CDC42EP3: variants seen among roughly 807,000 people sequenced by gnomAD.
CDC42EP3 encodes the protein CDC42 effector protein (Rho GTPase binding) 3.
CDC42EP3 carries 4 observed loss-of-function variants against 15.5 expected under a neutral mutation model. The ratio of observed to expected loss-of-function variants is 0.26; its 90% CI spans 0.13 to 0.59. The LOEUF is 0.59. Ranked by LOEUF, CDC42EP3 falls within the 20% of genes least tolerant of loss-of-function variation. CDC42EP3 has a pLI of 0.89. For synonymous variants in CDC42EP3, 145 were observed against 130.3 expected, an observed-to-expected ratio of 1.11 and a Z score of -0.77; for missense variants, 309 against 311.2, an observed-to-expected ratio of 0.99 and a Z score of 0.05.
At chr2:37,658,079 G>A (rs1665937109) in intron 1 of CDC42EP3, among the ~76,000 whole-genome samples, 1 of 152,118 alleles carries the variant, frequency 6.6e-6, no homozygotes, top group Non-Finnish European at 1.5e-5. Context: ...CATTTTCATA[G>A]GGTTGGATGG....
intron 1 of CDC42EP3, among the ~76,000 whole-genome samples, chr2:37,660,446 G>A (rs11124595): frequency 6.6e-6 from 1 of 151,986 alleles, no homozygotes. Flanking sequence ...GAAACGTCCC[G>A]GAGTTGGGAA....
chr2:37,645,163 A>G lies in CDC42EP3; in HGVS notation c.*660T>C, dbSNP rs1665409565. ...AATGTAGACTCTGCAATAAAAAGCC[A>G]AAGGCACGTAAAAATATATTTTAAC... On this transcript the variant is annotated 3_prime_UTR_variant, in exon 2 of 2. Transcript: ENST00000295324. 6.6e-6 allele frequency: 1 copy of G among 152,640 alleles called. No homozygotes were observed. The highest frequency in any genetic ancestry group is 6.5e-5 in the Admixed American group (1 of 15,284). The allele number at this position is 152,640 out of a possible 1,614,324, so 9.5% of individuals were successfully genotyped here.
At chr2:37,670,482 CTTTT>C (rs5830491) in intron 1 of CDC42EP3, among the ~76,000 whole-genome samples, 1 of 136,650 alleles carries the variant, frequency 7.3e-6, no homozygotes, top group Admixed American at 7.4e-5. Context: ...AATTCGCTCA[CTTTT>C]TTTTTTTTTT....
intron 1 of CDC42EP3, among the ~76,000 whole-genome samples, chr2:37,657,060 G>C (rs1233593627): frequency 7.4e-6 from 1 of 135,420 alleles, no homozygotes; most frequent in Non-Finnish European, 1.5e-5. Flanking sequence ...GTTAAGTGCT[G>C]TTCATTCTTT....
intron 1 of CDC42EP3, among the ~76,000 whole-genome samples, chr2:37,655,768 A>C (rs1336149817): frequency 6.6e-6 from 1 of 152,230 alleles, no homozygotes; most frequent in Non-Finnish European, 1.5e-5. Flanking sequence ...GGACAATATC[A>C]ATACAGGAAG....
chr2:37,652,833 C>T (rs941452375), intron 1 of CDC42EP3, among the ~76,000 whole-genome samples: 8 of 152,120 alleles, frequency 5.3e-5, no homozygotes, highest in African/African-American at 1.7e-4. Flanking sequence ...CTCAGCTTCC[C>T]GAGCAGCTAG....
Position 37,645,049 on chromosome 2 carries a change from A to G in CDC42EP3, c.*774T>C, listed in dbSNP as rs1005857964. 5.9e-5 allele frequency: 9 copies of G among 152,276 alleles called. No individual in the cohort carries two copies. The highest frequency in any genetic ancestry group is 3.3e-4 in the Admixed American group (5 of 15,284). 9.4% of individuals were successfully genotyped at this position (152,276 alleles called of 1,614,324 possible). Reference sequence around the variant, plus strand: ...ACAGATGAAGAAAAAAAAACTAAGTATGAATACACTTTTCCAAACACGCAC... The same window carrying G: ...ACAGATGAAGAAAAAAAAACTAAGTGTGAATACACTTTTCCAAACACGCAC... On this transcript the variant is annotated 3_prime_UTR_variant, in exon 2 of 2. Transcript: ENST00000295324.
intron 1 of CDC42EP3, among the ~76,000 whole-genome samples, chr2:37,662,171 C>G (rs970161169): frequency 1.3e-5 from 2 of 152,168 alleles, no homozygotes; most frequent in Admixed American, 6.5e-5. Context: ...TTTCATCACC[C>G]TTTCCCATCC....
intron 1 of CDC42EP3, among the ~76,000 whole-genome samples, chr2:37,659,502 T>G (rs1298321960): frequency 1.3e-5 from 2 of 152,238 alleles, no homozygotes; most frequent in South Asian, 4.1e-4. Context: ...ATATAGATCT[T>G]AAGGCAAATA....
intron 1 of CDC42EP3, among the ~76,000 whole-genome samples, chr2:37,656,983 CCCCCCCA>C (rs1431569681): frequency 2.4e-5 from 2 of 84,900 alleles, no homozygotes; most frequent in African/African-American, 6.1e-5. Flanking sequence ...AACAAAGCCC[CCCCCCCA>C]CCCCCCGCCC....
chr2:37,661,141 AGTGT>A (rs200964979), intron 1 of CDC42EP3, among the ~76,000 whole-genome samples: 5 of 148,774 alleles, frequency 3.4e-5, no homozygotes, highest in Non-Finnish European at 5.9e-5. Flanking sequence ...GTGTGTGTAT[AGTGT>A]GTGTATATAT....
Position 37,657,481 on chromosome 2 carries a change from T to C in CDC42EP3, c.-235-10659A>G, listed in dbSNP as rs143657313. Among the ~76,000 whole-genome samples the C allele has an allele frequency of 1.9e-4, 29 of 152,336 alleles. No homozygotes were observed. In the East Asian group the frequency reaches 3.1e-3, roughly 16 times the overall value. On this transcript the variant is annotated intron_variant, in intron 1 of 1. Transcript: ENST00000295324. ...CAAAAGGGCTATACATGAGTGTTCC[T>C]GTTGGGAAAACTCTCCTCCTTTTTA...
chr2:37,651,036 G>A (rs759245803), intron 1 of CDC42EP3, among the ~76,000 whole-genome samples: 3 of 152,108 alleles, frequency 2.0e-5, no homozygotes, highest in Non-Finnish European at 4.4e-5. Flanking sequence ...TCAGTTAAGC[G>A]TATCCTTCCA....
intron 1 of CDC42EP3, among the ~76,000 whole-genome samples, chr2:37,652,197 A>AAAG (rs1553316836): frequency 2.7e-5 from 4 of 150,308 alleles, no homozygotes; most frequent in African/African-American, 9.8e-5. Context: ...AAAAAAAAAA[A>AAAG]AAAAGAAAAT....
rs1371146800 is a variant in CDC42EP3 at position 37,645,816 on chromosome 2, C to T, written c.*7G>A. 2.0e-6 allele frequency: 3 copies of T among 1,511,488 alleles called. No homozygotes were observed. Among genetic ancestry groups the T allele is most frequent in the South Asian group, 2.7e-5 (2 of 73,452 alleles). The allele number at this position is 1,511,488 out of a possible 1,614,324, so 93.6% of individuals were successfully genotyped here. On this transcript the variant is annotated 3_prime_UTR_variant, in exon 2 of 2. Transcript: ENST00000295324. ...TTTTACCCCAAAGGAAAAAAGTTGG[C>T]ATCTTGTTACTTATTTTTATCCATT...
chr2:37,672,005 G>A (rs1666448275), upstream of CDC42EP3: 1 of 152,154 alleles, frequency 6.6e-6, no homozygotes, highest in African/African-American at 2.4e-5. Flanking sequence ...GGGTGCACGG[G>A]GACAATAGGA....
At chr2:37,651,801 G>A (rs941771279) in intron 1 of CDC42EP3, among the ~76,000 whole-genome samples, 1 of 152,206 alleles carries the variant, frequency 6.6e-6, no homozygotes, top group Non-Finnish European at 1.5e-5. Flanking sequence ...AGGGTGACTA[G>A]TGACACACAC....
rs774322106 is a variant in CDC42EP3, at chr2:37,646,826, C to T, written c.-235-4G>A. ...CTTGACCACAACCAGGACAAACCTGCAGAAGAAACCAAAGCAGGTTATAAG... is the reference window on the plus strand; with the variant it reads ...CTTGACCACAACCAGGACAAACCTGTAGAAGAAACCAAAGCAGGTTATAAG... On this transcript the variant is annotated splice_region_variant and splice_polypyrimidine_tract_variant and intron_variant, in intron 1 of 1. Transcript: ENST00000295324. 7.1e-5 allele frequency: 28 copies of T among 393,780 alleles called. No individual in the cohort carries two copies. The highest frequency in any genetic ancestry group is 1.2e-4 in the Non-Finnish European group (26 of 211,430). The allele number at this position is 393,780 out of a possible 1,614,324, so 24.4% of individuals were successfully genotyped here. A position where few individuals can be genotyped will look rare whatever the true frequency, so the allele number is the denominator to read the frequency against.
rs1665421510 is a variant in CDC42EP3 at position 37,645,503 on chromosome 2, C to G, written c.*320G>C. The G allele has an allele frequency of 9.5e-6, 2 of 210,338 alleles. No homozygotes were observed. Among genetic ancestry groups the G allele is most frequent in the South Asian group, 2.8e-4 (2 of 7,138 alleles). 13.0% of individuals were successfully genotyped at this position (210,338 alleles called of 1,614,324 possible). On this transcript the variant is annotated 3_prime_UTR_variant, in exon 2 of 2. Coordinates refer to ENST00000295324, the MANE Select transcript of CDC42EP3 (RefSeq NM_006449.5). ...AAGTTCCTTAATGTGACTCGCTCAG[C>G]CCTTCATAGCTAGTGCCAATCCTGG... is the stretch of plus-strand genomic sequence containing the variant.
Sources: gnomAD v4.1 joint callset for allele counts (sites outside exome capture counted in the v4.1 genomes callset) on GRCh38, gnomAD v4.1.1 for gene constraint, MANE v1.5 for transcripts, NCBI Gene and HGNC (gene_info 2026-07-23, HGNC 2026-07-21) for gene names.